Variants in ACER1 observed in about 807,000 individuals in gnomAD.
ACER1 encodes alkaline ceramidase 1, also known as CTB-180A7.3.
ACER1 carries 28 observed loss-of-function variants against 24.9 expected under a neutral mutation model. That is an observed-to-expected ratio of 1.13 (90% CI 0.83 to 1.54). The LOEUF (loss-of-function observed/expected upper bound fraction) is 1.54. ACER1 is among the 40% of genes most tolerant of loss of function. ACER1 has a pLI of 0.00. For synonymous variants in ACER1, 132 were observed against 131.4 expected, an observed-to-expected ratio of 1.00 and a Z score of -0.03; for missense variants, 352 against 349.3, an observed-to-expected ratio of 1.01 and a Z score of -0.06.
At chr19:6,351,379 T>A in the ACER1 span, among the ~76,000 whole-genome samples, 5 of 150,128 alleles carry the variant, frequency 3.3e-5, no homozygotes, top group Admixed American at 6.7e-5. Context: ...AAAATAAAAA[T>A]AATAATAATA....
chr19:6,333,900 G>A (rs1394874799), upstream of ACER1, among the ~76,000 whole-genome samples: 1 of 152,134 alleles, frequency 6.6e-6, no homozygotes, highest in African/African-American at 2.4e-5. Flanking sequence ...ATTTATTAGA[G>A]TCAGGGCCTT....
chr19:6,308,435 CAAAA>C (rs11343156), intron 4 of ACER1, among the ~76,000 whole-genome samples: 23 of 103,850 alleles, frequency 2.2e-4, no homozygotes, highest in Admixed American at 7.9e-4. Context: ...GACTCCGTCT[CAAAA>C]AAAAAAAAAA....
At position 6,307,183 on chromosome 19, in the gene ACER1, C is replaced by T. The variant is rs752679766; in HGVS notation, c.596G>A (p.Arg199Lys). ...SDRLLCSFWQ[R>K]IHFFYLHSIW... ...GCTGTGCAGATAGAAGAAATGAATC[C>T]TCTGCCAGAAGCTGCAAAGCAGACG... The change falls in exon 5 of 6, where the codon AGG (arginine) becomes AAG (lysine). Residue 199 changes from arginine (R) to lysine (K), a missense_variant. Physicochemically the swap from Arg to Lys is conservative, Grantham distance 26. Coordinates refer to ENST00000301452, the MANE Select transcript of ACER1 (RefSeq NM_133492.3). 1.9e-6 allele frequency: 3 copies of T among 1,614,136 alleles called. No individual in the cohort carries two copies. Among genetic ancestry groups the T allele is most frequent in the Admixed American group, 3.3e-5 (2 of 60,016 alleles).
the ACER1 span, among the ~76,000 whole-genome samples, chr19:6,343,081 GT>G: frequency 1.6e-4 from 25 of 152,152 alleles, 1 homozygote; most frequent in Admixed American, 1.1e-3. Context: ...CCAGCCAAAA[GT>G]TTTTTCTTTA....
At chr19:6,310,649 T>G (rs1250539906) in intron 3 of ACER1, among the ~76,000 whole-genome samples, 1 of 150,108 alleles carries the variant, frequency 6.7e-6, no homozygotes, top group Non-Finnish European at 1.5e-5. Flanking sequence ...GAGGCTGAGG[T>G]GGGAGGATTG....
At chr19:6,352,851 A>G in the ACER1 span, among the ~76,000 whole-genome samples, 2 of 152,188 alleles carry the variant, frequency 1.3e-5, no homozygotes, top group African/African-American at 4.8e-5. Flanking sequence ...TTCAATTTCT[A>G]TCATTTCAAT....
At chr19:6,329,263 C>T (rs546079564) in intron 1 of ACER1, among the ~76,000 whole-genome samples, 4 of 152,158 alleles carry the variant, frequency 2.6e-5, no homozygotes, top group South Asian at 2.1e-4. Context: ...TACTCAGAAG[C>T]GTTTTGGAGG....
the ACER1 span, among the ~76,000 whole-genome samples, chr19:6,340,527 A>G: frequency 6.6e-6 from 1 of 152,156 alleles, no homozygotes; most frequent in Admixed American, 6.5e-5. Flanking sequence ...CCCAGTAGCG[A>G]CCCTGACTCC....
At chr19:6,328,285 G>A (rs553406255) in intron 1 of ACER1, among the ~76,000 whole-genome samples, 68 of 151,818 alleles carry the variant, frequency 4.5e-4, no homozygotes, top group South Asian at 4.2e-3. Context: ...GAGGTCAGGA[G>A]TTCAAGACCA....
chr19:6,347,557 C>T, the ACER1 span, among the ~76,000 whole-genome samples: 4 of 151,374 alleles, frequency 2.6e-5, no homozygotes, highest in Non-Finnish European at 5.9e-5. Flanking sequence ...AAATGATGGC[C>T]GGGCGTGGTG....
chr19:6,339,714 C>T, the ACER1 span, among the ~76,000 whole-genome samples: 1 of 152,226 alleles, frequency 6.6e-6, no homozygotes, highest in Non-Finnish European at 1.5e-5. Flanking sequence ...GTTGCCCAGG[C>T]TGGAGTGCAG....
chr19:6,358,169 A>G, the ACER1 span, among the ~76,000 whole-genome samples: 1 of 151,966 alleles, frequency 6.6e-6, no homozygotes, highest in Non-Finnish European at 1.5e-5. Flanking sequence ...AAACTGGGAC[A>G]GCAGCTGCCC....
chr19:6,335,138 T>C (rs1255899698), upstream of ACER1, among the ~76,000 whole-genome samples: 1 of 145,950 alleles, frequency 6.9e-6, no homozygotes, highest in Non-Finnish European at 1.5e-5. Flanking sequence ...GTGATTAATA[T>C]AATTTAATAT....
chr19:6,345,138 A>C, the ACER1 span, among the ~76,000 whole-genome samples: 3 of 151,872 alleles, frequency 2.0e-5, no homozygotes, highest in African/African-American at 7.3e-5. Flanking sequence ...CAGGTGATCC[A>C]CTGGCCTCTG....
intron 1 of ACER1, among the ~76,000 whole-genome samples, chr19:6,323,945 A>G (rs960961475): frequency 2.0e-5 from 3 of 152,184 alleles, no homozygotes; most frequent in African/African-American, 7.2e-5. Context: ...GCCAGCCTCA[A>G]GGAGACTCAG....
chr19:6,309,856 T>C (rs1455391594), intron 3 of ACER1, 22 bp from the exon 4 acceptor site: 16 of 1,613,402 alleles, frequency 9.9e-6, no homozygotes, highest in Non-Finnish European at 1.2e-5. Context: ...GGGGCTCAGC[T>C]GTAGGCGGGA....
chr19:6,332,266 C>CTTTTTTTTT, intron 1 of ACER1, among the ~76,000 whole-genome samples: 1 of 99,794 alleles, frequency 1.0e-5, no homozygotes, highest in Non-Finnish European at 1.9e-5. Flanking sequence ...CGCGCCCGGC[C>CTTTTTTTTT]TTTTTTTTTT....
At chr19:6,360,182 T>C in the ACER1 span, 7 of 152,338 alleles carry the variant, frequency 4.6e-5, no homozygotes, top group Admixed American at 2.6e-4. Context: ...CTAGGAATGC[T>C]TTCCGGTCTG....
chr19:6,340,341 AAGGAAGGAAGGAAGGAAG>A, the ACER1 span, among the ~76,000 whole-genome samples: 1 of 147,264 alleles, frequency 6.8e-6, no homozygotes, highest in Non-Finnish European at 1.5e-5. Context: ...GGAAGGAAGG[AAGGAAGGAAGGAAGGAAG>A]GAAGGAAGGA....
Sources: gnomAD v4.1 joint callset for allele counts (sites outside exome capture counted in the v4.1 genomes callset) on GRCh38, gnomAD v4.1.1 for gene constraint, MANE v1.5 for transcripts, NCBI Gene and HGNC (gene_info 2026-07-23, HGNC 2026-07-21) for gene names.